DGKI: variants seen among roughly 807,000 people sequenced by gnomAD.
DGKI encodes DAG kinase iota.
In DGKI, 55 loss-of-function variants were observed where a neutral mutation model predicts 147.5. The ratio of observed to expected loss-of-function variants is 0.37; its 90% CI spans 0.30 to 0.47. DGKI has a LOEUF of 0.47. DGKI is among the 20% of genes least tolerant of loss of function. The probability of loss-of-function intolerance (pLI) is 1.00; values close to 1 mark genes in which losing one functional copy is unlikely to be tolerated. For missense variants in DGKI, 1,007 were observed against 1,323.8 expected (o/e 0.76, Z 3.71); for synonymous variants, 469 against 477.1 (o/e 0.98, Z 0.22).
chr7:137,786,654 T>G (rs1796679099), intron 1 of DGKI, among the ~76,000 whole-genome samples: 1 of 146,934 alleles, frequency 6.8e-6, no homozygotes. Context: ...AGAGCCTGCA[T>G]AGCCAAAGCA....
chr7:137,621,387 T>C (rs1820741816), intron 7 of DGKI, among the ~76,000 whole-genome samples: 1 of 152,134 alleles, frequency 6.6e-6, no homozygotes, highest in Non-Finnish European at 1.5e-5. Flanking sequence ...TAATCTCCAC[T>C]CTAGAGACTC....
chr7:137,626,513 A>G (rs1345198510), intron 6 of DGKI, among the ~76,000 whole-genome samples: 1 of 152,188 alleles, frequency 6.6e-6, no homozygotes, highest in Non-Finnish European at 1.5e-5. Flanking sequence ...AGGGTGAGGT[A>G]TGCAGGTATT....
At chr7:137,565,558 T>C (rs1818555413) in intron 19 of DGKI, among the ~76,000 whole-genome samples, 1 of 152,220 alleles carries the variant, frequency 6.6e-6, no homozygotes, top group African/African-American at 2.4e-5. Context: ...TACACAGTTT[T>C]ATTTCAATTA....
At chr7:137,577,558 T>G (rs920620809) in intron 16 of DGKI, among the ~76,000 whole-genome samples, 8 of 152,168 alleles carry the variant, frequency 5.3e-5, no homozygotes, top group African/African-American at 1.9e-4. Context: ...AAGGTTTATT[T>G]TGACAACCTT....
chr7:137,663,420 A>G (rs769631463), intron 3 of DGKI, among the ~76,000 whole-genome samples: 4 of 152,250 alleles, frequency 2.6e-5, no homozygotes, highest in Non-Finnish European at 5.9e-5. Context: ...GGCTTAAAAT[A>G]TGTATATTCA....
chr7:137,558,571 C>A (rs1020769133), intron 19 of DGKI, among the ~76,000 whole-genome samples: 3 of 150,390 alleles, frequency 2.0e-5, no homozygotes, highest in Admixed American at 6.6e-5. Context: ...AGCCACTGCG[C>A]CCAGCCCACT....
chr7:137,442,658 A>C (rs536605154), intron 28 of DGKI, among the ~76,000 whole-genome samples: 2 of 152,240 alleles, frequency 1.3e-5, no homozygotes, highest in African/African-American at 4.8e-5. Flanking sequence ...GGGCCTGAAC[A>C]TAATTTTCCC....
At chr7:137,494,073 C>T (rs1185932703) in intron 21 of DGKI, among the ~76,000 whole-genome samples, 1 of 151,966 alleles carries the variant, frequency 6.6e-6, no homozygotes, top group Non-Finnish European at 1.5e-5. Flanking sequence ...TGAGGAATCT[C>T]AGAGCATGAA....
At position 137,472,329 on chromosome 7, in the gene DGKI, G is replaced by GCA. The variant is rs57782470; in HGVS notation, c.2374-2711_2374-2710insTG. On this transcript the variant is annotated intron_variant, in intron 23 of 32. Coordinates refer to ENST00000614521, the MANE Select transcript of DGKI (RefSeq NM_001321708.2). ...GTGTATATACATATAATTATTATAT[G>GCA]TATATATACATATAATTATTATATG... 9.5e-4 allele frequency among the ~76,000 whole-genome samples: 6 copies of GCA among 6,328 alleles called. 1 individual carries two copies. The highest frequency in any genetic ancestry group is 3.0e-3 in the Non-Finnish European group (1 of 336). 4.2% of individuals were successfully genotyped at this position (6,328 alleles called of 152,430 possible).
At chr7:137,619,227 T>A (rs1820655202) in intron 8 of DGKI, among the ~76,000 whole-genome samples, 1 of 152,218 alleles carries the variant, frequency 6.6e-6, no homozygotes, top group Non-Finnish European at 1.5e-5. Flanking sequence ...AAGGTTTCCC[T>A]GAATACTGAG....
intron 1 of DGKI, among the ~76,000 whole-genome samples, chr7:137,759,706 G>T (rs1795798226): frequency 6.6e-6 from 1 of 152,120 alleles, no homozygotes; most frequent in Non-Finnish European, 1.5e-5. Flanking sequence ...TAGAACAAGG[G>T]AAAAAGATTT....
rs772789030 is a variant in DGKI at position 137,469,633 on chromosome 7, C to T, written c.2374-14G>A. 1.9e-6 allele frequency: 3 copies of T among 1,613,234 alleles called. No individual in the cohort carries two copies. Among genetic ancestry groups the T allele is most frequent in the Non-Finnish European group, 1.7e-6 (2 of 1,179,362 alleles). ...GGTTTCATGGTCCTGGAAAGAGACA[C>T]ACACACTCTAGTGGCTGCATTTCAA... On this transcript the variant is annotated splice_polypyrimidine_tract_variant and intron_variant, in intron 23 of 32. Coordinates refer to ENST00000614521, the MANE Select transcript of DGKI (RefSeq NM_001321708.2).
intron 8 of DGKI, among the ~76,000 whole-genome samples, chr7:137,615,566 T>C (rs748327326): frequency 2.0e-4 from 30 of 151,876 alleles, no homozygotes; most frequent in Non-Finnish European, 3.2e-4. Flanking sequence ...TGTGTGTGTG[T>C]GTGTATCCTC....
chr7:137,459,903 G>T (rs933468727), intron 27 of DGKI, among the ~76,000 whole-genome samples: 5 of 151,780 alleles, frequency 3.3e-5, no homozygotes, highest in African/African-American at 1.2e-4. Context: ...TTATCAAATT[G>T]AATGCTTTGC....
chr7:137,718,879 T>G (rs906240494), intron 1 of DGKI, among the ~76,000 whole-genome samples: 5 of 152,158 alleles, frequency 3.3e-5, no homozygotes, highest in African/African-American at 1.2e-4. Flanking sequence ...TTGTGGCCAA[T>G]GTGATCACTG....
intron 1 of DGKI, among the ~76,000 whole-genome samples, chr7:137,720,889 G>A (rs947667603): frequency 1.3e-5 from 2 of 151,960 alleles, no homozygotes; most frequent in Admixed American, 6.6e-5. Context: ...TTTTACTATC[G>A]TCTCCTAATC....
At chr7:137,625,844 C>T (rs1001033064) in intron 6 of DGKI, among the ~76,000 whole-genome samples, 4 of 152,128 alleles carry the variant, frequency 2.6e-5, no homozygotes, top group Admixed American at 2.0e-4. Flanking sequence ...CAGAGACCTG[C>T]ATACCTAACC....
At chr7:137,807,288 T>G (rs1023450842) in intron 1 of DGKI, among the ~76,000 whole-genome samples, 1 of 152,204 alleles carries the variant, frequency 6.6e-6, no homozygotes, top group African/African-American at 2.4e-5. Flanking sequence ...TATTTTAGGT[T>G]TGGATGCCTG....
At chr7:137,799,096 A>G (rs1256014352) in intron 1 of DGKI, among the ~76,000 whole-genome samples, 1 of 152,194 alleles carries the variant, frequency 6.6e-6, no homozygotes, top group Admixed American at 6.6e-5. Flanking sequence ...CTCTTAGATA[A>G]GGCAAAAAAG....
Sources: gnomAD v4.1 joint callset for allele counts (sites outside exome capture counted in the v4.1 genomes callset) on GRCh38, gnomAD v4.1.1 for gene constraint, MANE v1.5 for transcripts, NCBI Gene and HGNC (gene_info 2026-07-23, HGNC 2026-07-21) for gene names.